PIKFYVE: variants seen among roughly 807,000 people sequenced by gnomAD.
PIKFYVE encodes phosphoinositide kinase, FYVE-type zinc finger containing.
A neutral mutation model predicts 257.9 loss-of-function variants in PIKFYVE; 122 were observed. The ratio of observed to expected loss-of-function variants is 0.47; its 90% CI spans 0.41 to 0.55. The LOEUF is 0.55. Among genes scored for constraint, PIKFYVE ranks in the 20% least tolerant of loss-of-function variants. PIKFYVE has a pLI of 0.00. For missense variants in PIKFYVE, 2,160 were observed against 2,536.6 expected (o/e 0.85, Z 3.19); for synonymous variants, 892 against 868.9 (o/e 1.03, Z -0.47).
intron 35 of PIKFYVE, among the ~76,000 whole-genome samples, chr2:208,348,598 A>AGTG (rs1559172593): frequency 4.0e-3 from 259 of 64,024 alleles, no homozygotes; most frequent in African/African-American, 0.017. Context: ...AAAAAAAAAA[A>AGTG]AGTGTGTGTG....
At chr2:208,303,080 TCAAAA>T (rs1346977783) in intron 10 of PIKFYVE, among the ~76,000 whole-genome samples, 8 of 152,046 alleles carry the variant, frequency 5.3e-5, no homozygotes, top group Admixed American at 1.3e-4. Flanking sequence ...AGGCTCCGTC[TCAAAA>T]CAAACACAAA....
chr2:208,282,700 C>T (rs1690977725), intron 5 of PIKFYVE, among the ~76,000 whole-genome samples: 1 of 152,202 alleles, frequency 6.6e-6, no homozygotes, highest in African/African-American at 2.4e-5. Flanking sequence ...CACAGCATCT[C>T]AGCTTGACCA....
intron 21 of PIKFYVE, 75 bp downstream of exon 21, chr2:208,328,355 A>T (rs570915306): frequency 6.3e-7 from 1 of 1,581,852 alleles, no homozygotes; most frequent in Admixed American, 1.7e-5. Flanking sequence ...AAAAACAAAA[A>T]AACAGTCATT....
In PIKFYVE at chr2:208,314,362, C is replaced by G; in HGVS notation, c.1765C>G (p.His589Asp). Residue 589 changes from histidine (H) to aspartate (D), a missense_variant, in exon 14 of 42, where the codon CAT (histidine) becomes GAT (aspartate). By Grantham distance (81) the His-to-Asp change is moderately conservative. Coordinates refer to ENST00000264380, the MANE Select transcript of PIKFYVE (RefSeq NM_015040.4). Reference protein sequence around the residue: ...ELPFTPLGWHHNNLELLREEN... With the variant: ...ELPFTPLGWHDNNLELLREEN... ...GCCTTTCACACCTTTGGGCTGGCAT[C>G]ATAACAACCTGGAGCTCCTGAGGGA... 4 of 1,613,948 alleles carry G rather than the reference C, an allele frequency of 2.5e-6. No homozygotes were observed. The highest frequency in any genetic ancestry group is 3.4e-6 in the Non-Finnish European group (4 of 1,179,890).
Position 208,302,254 on chromosome 2 carries a change from A to G in PIKFYVE, c.1221A>G (p.Ile407Met). ...GGTCTTGATTCAGGGCACAAGCTAT[A>G]GCAATTGGACAAGCAATGGTTGATG... ...NGHIATRAQA[I>M]AIGQAMVDGR... The change falls in exon 10 of 42, where the codon ATA becomes ATG. Residue 407 changes from isoleucine (I) to methionine (M), a missense_variant. By Grantham distance (10) the Ile-to-Met change is conservative. Transcript: ENST00000264380. The G allele has an allele frequency of 6.2e-7, 1 of 1,614,100 alleles. No homozygotes were observed. The highest frequency in any genetic ancestry group is 8.5e-7 in the Non-Finnish European group (1 of 1,179,956).
intron 31 of PIKFYVE, 58 bp downstream of exon 31, chr2:208,340,189 C>T (rs932837601): frequency 3.9e-5 from 62 of 1,582,958 alleles, no homozygotes; most frequent in South Asian, 1.2e-4. Context: ...CTTAGTTGCT[C>T]GCTTCATATT....
chr2:208,267,421 G>T (rs866147907), intron 1 of PIKFYVE, among the ~76,000 whole-genome samples: 1 of 151,190 alleles, frequency 6.6e-6, no homozygotes, highest in South Asian at 2.1e-4. Flanking sequence ...TAAGCGTGTT[G>T]GTCAAAAATT....
rs750364676 is a variant in PIKFYVE, at chr2:208,273,568, C to T, written c.173-16C>T. On this transcript the variant is annotated splice_polypyrimidine_tract_variant and intron_variant, in intron 2 of 41. Transcript: ENST00000264380. Reference sequence around the variant, plus strand: ...CTCTCAGTCTTTAAATAATGCCAAGCGTTCCCTTGCTACAGAGAGAGCAGA... The same window carrying T: ...CTCTCAGTCTTTAAATAATGCCAAGTGTTCCCTTGCTACAGAGAGAGCAGA... 67 of 1,613,964 alleles carry T rather than the reference C, an allele frequency of 4.2e-5. No homozygotes were observed. Among genetic ancestry groups the T allele is most frequent in the South Asian group, 6.6e-5 (6 of 91,088 alleles).
At position 208,302,372 on chromosome 2, in the gene PIKFYVE, T is replaced by G; in HGVS notation, c.1320+19T>G. The G allele has an allele frequency of 1.3e-6, 2 of 1,578,730 alleles. No individual in the cohort carries two copies. The highest frequency in any genetic ancestry group is 1.7e-6 in the Non-Finnish European group (2 of 1,148,010). ...ACTGCAGGTACTTTTCAGTGTTTAC[T>G]GCCAATTAGAATGTAGCAAGCTTAT... On this transcript the variant is annotated intron_variant, in intron 10 of 41. Transcript: ENST00000264380.
chr2:208,303,947 A>AT (rs1348650655), intron 10 of PIKFYVE, among the ~76,000 whole-genome samples: 2 of 152,240 alleles, frequency 1.3e-5, no homozygotes, highest in Non-Finnish European at 2.9e-5. Context: ...TTTGTTCTTA[A>AT]TATACTACTT....
chr2:208,333,523 T>A, intron 24 of PIKFYVE, 30 bp downstream of exon 24: 2 of 1,597,732 alleles, frequency 1.3e-6, no homozygotes, highest in Non-Finnish European at 1.7e-6. Flanking sequence ...TTGTGCATGA[T>A]CTCAGATCTC....
At chr2:208,287,167 C>T (rs780498499) in intron 6 of PIKFYVE, among the ~76,000 whole-genome samples, 15 of 151,434 alleles carry the variant, frequency 9.9e-5, no homozygotes, top group African/African-American at 1.7e-4. Flanking sequence ...CACTTAAAGA[C>T]GATAGATATG....
intron 17 of PIKFYVE, among the ~76,000 whole-genome samples, chr2:208,323,460 A>G (rs1696547480): frequency 6.6e-6 from 1 of 152,136 alleles, no homozygotes. Flanking sequence ...CTCTGGCTGC[A>G]GAGTATTCCA....
chr2:208,323,932 G>C (rs1359648515), intron 17 of PIKFYVE, among the ~76,000 whole-genome samples: 5 of 145,394 alleles, frequency 3.4e-5, no homozygotes, highest in Non-Finnish European at 4.5e-5. Context: ...CTGTTCATGT[G>C]CTTCGCCCAC....
At chr2:208,287,508 A>G (rs1691738764) in intron 6 of PIKFYVE, among the ~76,000 whole-genome samples, 3 of 150,846 alleles carry the variant, frequency 2.0e-5, no homozygotes, top group Non-Finnish European at 4.4e-5. Context: ...TCCTGACCTC[A>G]GGTGATCTAC....
chr2:208,304,694 G>T (rs1694106436), intron 11 of PIKFYVE, 152 bp from the exon 12 acceptor site: 3 of 729,836 alleles, frequency 4.1e-6, no homozygotes, highest in Non-Finnish European at 7.2e-6. Context: ...AGTCTACACA[G>T]AAGTACATGA....
chr2:208,337,556 A>T (rs1286312362), intron 28 of PIKFYVE, among the ~76,000 whole-genome samples: 1 of 151,954 alleles, frequency 6.6e-6, no homozygotes, highest in Admixed American at 6.6e-5. Flanking sequence ...GATATATATC[A>T]ATCTATCTAG....
At chr2:208,312,137 T>C in intron 12 of PIKFYVE, 99 bp from the exon 13 acceptor site, 1 of 906,590 alleles carries the variant, frequency 1.1e-6, no homozygotes, top group Non-Finnish European at 1.8e-6. Flanking sequence ...ATGAGTAATA[T>C]TTTGTGTGTG....
intron 20 of PIKFYVE, among the ~76,000 whole-genome samples, chr2:208,326,752 C>G (rs1696970464): frequency 6.6e-6 from 1 of 151,980 alleles, no homozygotes; most frequent in Non-Finnish European, 1.5e-5. Flanking sequence ...AATCCTGGAT[C>G]CTTGTGTCAG....
Sources: gnomAD v4.1 joint callset for allele counts (sites outside exome capture counted in the v4.1 genomes callset) on GRCh38, gnomAD v4.1.1 for gene constraint, MANE v1.5 for transcripts, NCBI Gene and HGNC (gene_info 2026-07-23, HGNC 2026-07-21) for gene names.